The following TBCD variants were observed in gnomAD, a reference collection of about 807,000 sequenced individuals.
TBCD encodes tubulin folding cofactor D, also known as tubulin-specific chaperone D.
In TBCD, 105 loss-of-function variants were observed where a neutral mutation model predicts 169.3. That is an observed-to-expected ratio of 0.62 (90% CI 0.53 to 0.73). The LOEUF (loss-of-function observed/expected upper bound fraction) is 0.73. Ranked by LOEUF, TBCD falls within the 30% of genes least tolerant of loss-of-function variation. The probability of loss-of-function intolerance (pLI) is 0.00; values close to 1 mark genes in which losing one functional copy is unlikely to be tolerated. For missense variants in TBCD, 1,444 were observed against 1,600.1 expected (o/e 0.90, Z 1.66); for synonymous variants, 700 against 643.9 (o/e 1.09, Z -1.32).
intron 13 of TBCD, among the ~76,000 whole-genome samples, chr17:82,858,315 T>G (rs2056485191): frequency 6.6e-6 from 1 of 152,218 alleles, no homozygotes; most frequent in African/African-American, 2.4e-5. Flanking sequence ...TTATACACCA[T>G]GTGCAGAAAG....
Position 82,915,871 on chromosome 17 carries a change from G to C in TBCD, c.2038+4082G>C, listed in dbSNP as rs2060992391. Among the ~76,000 whole-genome samples, 1 of 152,158 alleles carries C rather than the reference G, an allele frequency of 6.6e-6. No individual in the cohort carries two copies. Among genetic ancestry groups the C allele is most frequent in the South Asian group, 2.1e-4 (1 of 4,822 alleles). ...AGCAAGCCGGGGACACGCTGTTAAT[G>C]GACTTCCTGCTGTGGGGGTGAGGGC... is the stretch of plus-strand genomic sequence containing the variant. On this transcript the variant is annotated intron_variant, in intron 23 of 38. Coordinates refer to ENST00000355528, the MANE Select transcript of TBCD (RefSeq NM_005993.5). This position sits in a 1 kb window ranked among gnomAD's most constrained non-coding sequence, Gnocchi z 4.3.
chr17:82,858,140 C>T (rs1391254373), intron 13 of TBCD, among the ~76,000 whole-genome samples: 2 of 152,082 alleles, frequency 1.3e-5, no homozygotes, highest in Non-Finnish European at 2.9e-5. Context: ...TCTCGAACTC[C>T]TGGGCTCAAG....
At chr17:82,865,987 C>G (rs1390151289) in intron 13 of TBCD, among the ~76,000 whole-genome samples, 1 of 152,206 alleles carries the variant, frequency 6.6e-6, no homozygotes, top group Non-Finnish European at 1.5e-5. Flanking sequence ...ACGCGACATG[C>G]ATTTGCTGTG....
chr17:82,776,493 T>A (rs1470098107), intron 6 of TBCD, among the ~76,000 whole-genome samples: 2 of 152,218 alleles, frequency 1.3e-5, no homozygotes, highest in African/African-American at 4.8e-5. Flanking sequence ...ACCGTGTTTA[T>A]CTTCTTTGCA....
At position 82,920,422 on chromosome 17, in the gene TBCD, G is replaced by A; in HGVS notation, c.2039-134G>A. The A allele has an allele frequency of 1.4e-6, 1 of 726,570 alleles. No homozygotes were observed. Among genetic ancestry groups the A allele is most frequent in the Non-Finnish European group, 2.3e-6 (1 of 433,342 alleles). The allele number at this position is 726,570 out of a possible 1,614,324, so 45.0% of individuals were successfully genotyped here. ...TGGTTCTGGGATGTTTCCAGCCCTG[G>A]CAGCAGGGTAGGTTGGGCGGGTGAG... On this transcript the variant is annotated intron_variant, in intron 23 of 38. Transcript: ENST00000355528. The surrounding 1 kb of genome is among the most constrained non-coding windows in gnomAD (Gnocchi z 4.1).
At chr17:82,774,359 A>C (rs569483948) in intron 6 of TBCD, among the ~76,000 whole-genome samples, 6 of 152,284 alleles carry the variant, frequency 3.9e-5, no homozygotes, top group Non-Finnish European at 8.8e-5. Context: ...GAGAGCACGG[A>C]GTTGGGGGTA....
At chr17:82,759,590 T>G (rs1425409426) in intron 2 of TBCD, among the ~76,000 whole-genome samples, 2 of 152,202 alleles carry the variant, frequency 1.3e-5, no homozygotes, top group Admixed American at 1.3e-4. Flanking sequence ...CCCACAGTGC[T>G]GGGATGACAG....
Position 82,943,968 on chromosome 17 carries a change from T to C in TBCD, c.*1505T>C, listed in dbSNP as rs970754049. Reference sequence around the variant, plus strand: ...CTCCTGTGGTCGGCACACACGAGACTCTGGTTGCGCCTGCTGGGTGTGGAA... The same window carrying C: ...CTCCTGTGGTCGGCACACACGAGACCCTGGTTGCGCCTGCTGGGTGTGGAA... On this transcript the variant is annotated 3_prime_UTR_variant, in exon 39 of 39. Coordinates refer to ENST00000355528, the MANE Select transcript of TBCD (RefSeq NM_005993.5). The C allele has an allele frequency of 4.6e-5, 7 of 152,182 alleles. No homozygotes were observed. Among genetic ancestry groups the C allele is most frequent in the Admixed American group, 1.3e-4 (2 of 15,286 alleles). The allele number at this position is 152,182 out of a possible 1,614,324, so 9.4% of individuals were successfully genotyped here. A position where few individuals can be genotyped will look rare whatever the true frequency, so the allele number is the denominator to read the frequency against.
intron 13 of TBCD, among the ~76,000 whole-genome samples, chr17:82,847,491 G>A (rs940441688): frequency 3.3e-5 from 5 of 152,146 alleles, no homozygotes; most frequent in Admixed American, 1.3e-4. Flanking sequence ...TACAGCCAAG[G>A]TGTATGAGAG....
chr17:82,855,993 CTTTTTTTTTTTTTT>C (rs60978063), intron 13 of TBCD, among the ~76,000 whole-genome samples: 1 of 66,268 alleles, frequency 1.5e-5, no homozygotes, highest in Non-Finnish European at 2.5e-5. Context: ...TCCCCCCCCA[CTTTTTTTTTTTTTT>C]TTTTTTTTTT....
chr17:82,827,100 A>G (rs79189501), intron 13 of TBCD, among the ~76,000 whole-genome samples: 2,693 of 152,296 alleles, frequency 0.018, 33 homozygotes, highest in Non-Finnish European at 0.026. Context: ...TTAAGTGCTA[A>G]GAAGTCTTAT....
chr17:82,893,099 C>A (rs1005738931), intron 16 of TBCD: 1 of 165,344 alleles, frequency 6.0e-6, no homozygotes, highest in Non-Finnish European at 1.3e-5. Context: ...ACCGTGCAGG[C>A]GGCTGCATCC....
At position 82,937,284 on chromosome 17, in the gene TBCD, G is replaced by A. The variant is rs767547153; in HGVS notation, c.3205G>A (p.Val1069Met). 2 of 1,614,038 alleles carry A rather than the reference G, an allele frequency of 1.2e-6. No individual in the cohort carries two copies. Among genetic ancestry groups the A allele is most frequent in the South Asian group, 2.2e-5 (2 of 91,090 alleles). Residue 1069 changes from valine to methionine, a missense_variant, in exon 35 of 39, where the codon GTG (valine) becomes ATG (methionine). Transcript: ENST00000355528. Reference protein sequence around the residue: ...FTTEEDHPFAVKLLALCKKEI... With the variant: ...FTTEEDHPFAMKLLALCKKEI... ...TTGTTCTTCCAGCCACCCCTTTGCTGTGAAGTTGCTTGCGCTCTGTAAGAA... is the reference window on the plus strand; with the variant it reads ...TTGTTCTTCCAGCCACCCCTTTGCTATGAAGTTGCTTGCGCTCTGTAAGAA...
intron 17 of TBCD, 109 bp downstream of exon 17, chr17:82,893,741 G>A: frequency 1.3e-6 from 1 of 779,470 alleles, no homozygotes; most frequent in East Asian, 2.7e-5. Context: ...CCACTCAATG[G>A]AATGTAGTTT....
At chr17:82,817,200 A>G (rs1161083017) in intron 13 of TBCD, among the ~76,000 whole-genome samples, 1 of 152,164 alleles carries the variant, frequency 6.6e-6, no homozygotes, top group Admixed American at 6.5e-5. Flanking sequence ...GCCCCATCAC[A>G]GCTCGTTGCC....
intron 13 of TBCD, among the ~76,000 whole-genome samples, chr17:82,848,334 C>T (rs569970313): frequency 3.4e-5 from 5 of 148,402 alleles, no homozygotes; most frequent in African/African-American, 1.2e-4. Context: ...GCTGCGGCTT[C>T]TGTGTTGAGA....
At chr17:82,900,770 C>A in intron 18 of TBCD, 39 bp downstream of exon 18, 1 of 1,477,396 alleles carries the variant, frequency 6.8e-7, no homozygotes, top group Non-Finnish European at 9.5e-7. Flanking sequence ...AGCTTTTTTT[C>A]CCCCCAAAGG....
chr17:82,861,991 C>T (rs1429379550), intron 13 of TBCD, among the ~76,000 whole-genome samples: 1 of 151,570 alleles, frequency 6.6e-6, no homozygotes, highest in Non-Finnish European at 1.5e-5. Context: ...GGCGCGATCT[C>T]GGCTCACTGC....
At chr17:82,878,734 C>T (rs1256641541) in intron 14 of TBCD, among the ~76,000 whole-genome samples, 1 of 152,174 alleles carries the variant, frequency 6.6e-6, no homozygotes, top group African/African-American at 2.4e-5. Context: ...GCTGTTTCTC[C>T]TTTGGTTTTC....
Sources: allele counts gnomAD v4.1 joint callset (sites outside exome capture counted in the v4.1 genomes callset), GRCh38; gene constraint gnomAD v4.1.1; non-coding constraint Gnocchi (gnomAD v3.1); transcripts MANE v1.5; gene names NCBI Gene and HGNC (gene_info 2026-07-23, HGNC 2026-07-21).